The following DMTF1 variants were observed in gnomAD, a reference collection of about 807,000 sequenced individuals.
The protein encoded by DMTF1 is cyclin D binding myb like transcription factor 1.
Under a neutral mutation model 91.1 loss-of-function variants are expected in DMTF1, and 39 were observed. The observed-to-expected ratio is 0.43, with a 90% CI of 0.33 to 0.56. The LOEUF (loss-of-function observed/expected upper bound fraction) is 0.56. DMTF1 is among the 20% of genes least tolerant of loss of function. The probability of loss-of-function intolerance (pLI) is 0.05; values close to 1 mark genes in which losing one functional copy is unlikely to be tolerated. For missense variants in DMTF1, 750 were observed against 914.5 expected, an observed-to-expected ratio of 0.82 and a Z score of 2.32; for synonymous variants, 338 against 309.5, an observed-to-expected ratio of 1.09 and a Z score of -0.97.
intron 4 of DMTF1, 49 bp from the exon 5 acceptor site, chr7:87,170,946 T>A (rs751871447): frequency 7.5e-5 from 92 of 1,226,104 alleles, no homozygotes; most frequent in Non-Finnish European, 1.0e-4. Context: ...TTAGAATAAT[T>A]AGAACTTGCC....
At chr7:87,190,827 G>C in intron 13 of DMTF1, 118 bp from the exon 14 acceptor site, 2 of 743,234 alleles carry the variant, frequency 2.7e-6, no homozygotes. Context: ...CAGGTCTCCA[G>C]GCAAATTATT....
At chr7:87,158,623 G>C (rs1039498230) in intron 1 of DMTF1, among the ~76,000 whole-genome samples, 1 of 151,932 alleles carries the variant, frequency 6.6e-6, no homozygotes, top group Non-Finnish European at 1.5e-5. Context: ...TCTTCAGAAA[G>C]CATTAAATAA....
At chr7:87,159,420 A>C (rs1791647691) in intron 1 of DMTF1, among the ~76,000 whole-genome samples, 1 of 150,628 alleles carries the variant, frequency 6.6e-6, no homozygotes, top group African/African-American at 2.4e-5. Flanking sequence ...GAATTTTCAC[A>C]TCTATTCAAA....
Position 87,165,016 on chromosome 7 carries a change from A to G in DMTF1, c.75A>G (p.Thr25=). The G allele has an allele frequency of 6.2e-7, 1 of 1,611,222 alleles. No homozygotes were observed. Among genetic ancestry groups the G allele is most frequent in the South Asian group, 1.1e-5 (1 of 90,492 alleles). The part of the protein sequence containing the change: ...TVNSVTLTQD[T]EGNLILHCPQ... ...ACTCTGTGACTTTGACTCAGGACAC[A>G]GAAGGGAATCTCATTCTTCACTGCC... The change falls in exon 3 of 18, where the codon ACA becomes ACG. Residue 25 remains threonine, a synonymous_variant. Transcript: ENST00000331242.
At chr7:87,172,630 T>C (rs1267677436) in intron 5 of DMTF1, among the ~76,000 whole-genome samples, 1 of 45,798 alleles carries the variant, frequency 2.2e-5, no homozygotes, top group African/African-American at 7.5e-5. Context: ...CCGGTGACAT[T>C]GCTTAGTCTT....
intron 1 of DMTF1, chr7:87,154,392 G>A (rs1453815932): frequency 1.3e-5 from 2 of 152,496 alleles, no homozygotes; most frequent in Non-Finnish European, 2.9e-5. Context: ...TATTTTAGTT[G>A]ATAGGCTCAC....
intron 7 of DMTF1, among the ~76,000 whole-genome samples, chr7:87,178,258 A>G (rs1167151210): frequency 6.6e-6 from 1 of 152,104 alleles, no homozygotes; most frequent in Non-Finnish European, 1.5e-5. Context: ...TAAACTGTGT[A>G]GAAACGCAAA....
At chr7:87,156,006 T>C (rs1288859770) in intron 1 of DMTF1, among the ~76,000 whole-genome samples, 3 of 152,190 alleles carry the variant, frequency 2.0e-5, no homozygotes, top group African/African-American at 7.2e-5. Context: ...GTGTATATTT[T>C]AGTATCTAAT....
chr7:87,185,786 G>A (rs564488331), intron 11 of DMTF1, 43 bp from the exon 12 acceptor site: 3 of 1,609,598 alleles, frequency 1.9e-6, no homozygotes, highest in Admixed American at 3.3e-5. Flanking sequence ...TTCTTATAGA[G>A]AAATTAATTT....
chr7:87,188,536 T>C (rs1266965896), intron 13 of DMTF1, among the ~76,000 whole-genome samples: 5 of 152,184 alleles, frequency 3.3e-5, no homozygotes, highest in Admixed American at 6.6e-5. Context: ...ACCATCTTAA[T>C]TTCTAGATTT....
chr7:87,190,294 G>A (rs1799452899), intron 13 of DMTF1, among the ~76,000 whole-genome samples: 1 of 151,692 alleles, frequency 6.6e-6, no homozygotes, highest in Admixed American at 6.6e-5. Context: ...TATGAGGTAG[G>A]CAGGACAGGT....
chr7:87,172,463 C>G (rs938428000), intron 5 of DMTF1, among the ~76,000 whole-genome samples: 1 of 152,126 alleles, frequency 6.6e-6, no homozygotes, highest in Non-Finnish European at 1.5e-5. Context: ...CTAATTGTAC[C>G]TTGGTTGTCC....
Position 87,195,998 on chromosome 7 carries a change from A to G in DMTF1, c.*858A>G, listed in dbSNP as rs1323138277. The G allele has an allele frequency of 6.6e-6, 1 of 152,332 alleles. No homozygotes were observed. The highest frequency in any genetic ancestry group is 1.9e-4 in the East Asian group (1 of 5,192). The allele number at this position is 152,332 out of a possible 1,614,324, so 9.4% of individuals were successfully genotyped here. ...TGTGTTAGCTGGTGGGGTACAATATAACCTCTCATCTCAGGCTATTTTAAA... is the reference window on the plus strand; with the variant it reads ...TGTGTTAGCTGGTGGGGTACAATATGACCTCTCATCTCAGGCTATTTTAAA... On this transcript the variant is annotated 3_prime_UTR_variant, in exon 18 of 18. Coordinates refer to ENST00000331242, the MANE Select transcript of DMTF1 (RefSeq NM_001142327.2).
chr7:87,179,810 T>G, intron 8 of DMTF1, 108 bp downstream of exon 8: 1 of 1,047,584 alleles, frequency 9.5e-7, no homozygotes, highest in Non-Finnish European at 1.4e-6. Flanking sequence ...TAATTGTTGT[T>G]AATATTTTTA....
intron 10 of DMTF1, among the ~76,000 whole-genome samples, chr7:87,183,520 A>C (rs1342054487): frequency 6.6e-6 from 1 of 152,222 alleles, no homozygotes; most frequent in Non-Finnish European, 1.5e-5. Context: ...AGCATGCTAG[A>C]ATAGGAGAGT....
At chr7:87,175,531 C>T (rs983259103) in intron 7 of DMTF1, among the ~76,000 whole-genome samples, 5 of 152,050 alleles carry the variant, frequency 3.3e-5, no homozygotes, top group Non-Finnish European at 7.4e-5. Context: ...AGTCAGTGAT[C>T]CATTTGGGCA....
At chr7:87,153,611 C>T (rs1789907935) in intron 1 of DMTF1, among the ~76,000 whole-genome samples, 1 of 152,156 alleles carries the variant, frequency 6.6e-6, no homozygotes, top group Admixed American at 6.5e-5. Context: ...TTTCGCAACT[C>T]ATTCATCTTT....
rs1801014929 is a variant in DMTF1, at chr7:87,195,243, T to G, written c.*103T>G. 2 of 758,880 alleles carry G rather than the reference T, an allele frequency of 2.6e-6. No homozygotes were observed. The highest frequency in any genetic ancestry group is 1.7e-5 in the South Asian group (1 of 57,570). 47.0% of individuals were successfully genotyped at this position (758,880 alleles called of 1,614,324 possible). A position where few individuals can be genotyped will look rare whatever the true frequency, so the allele number is the denominator to read the frequency against. ...CCCCCAAGAGGCTTAATTTACCAAT[T>G]TAAATAGCCACAGTCCTTAAGCCAC... On this transcript the variant is annotated 3_prime_UTR_variant, in exon 18 of 18. Transcript: ENST00000331242.
At chr7:87,160,276 CTTT>C (rs753441691) in intron 1 of DMTF1, among the ~76,000 whole-genome samples, 20 of 134,624 alleles carry the variant, frequency 1.5e-4, no homozygotes, top group East Asian at 2.1e-4. Flanking sequence ...TTTGTCATTT[CTTT>C]TTTTTTTTTT....
Sources: gnomAD v4.1 joint callset for allele counts (sites outside exome capture counted in the v4.1 genomes callset) on GRCh38, gnomAD v4.1.1 for gene constraint, MANE v1.5 for transcripts, NCBI Gene and HGNC (gene_info 2026-07-23, HGNC 2026-07-21) for gene names.